DIAPH2: variants seen among roughly 807,000 people sequenced by gnomAD.
DIAPH2 encodes the protein protein diaphanous homolog 2.
A neutral mutation model predicts 92.7 loss-of-function variants in DIAPH2; 35 were observed. The observed-to-expected ratio is 0.38, with a 90% confidence interval of 0.29 to 0.50. DIAPH2 has a LOEUF of 0.50. DIAPH2 is among the 20% of genes least tolerant of loss of function. The pLI is 0.94. For missense variants in DIAPH2, 701 were observed against 819.5 expected, an observed-to-expected ratio of 0.86 and a Z score of 1.77; for synonymous variants, 301 against 280.4, an observed-to-expected ratio of 1.07 and a Z score of -0.73.
chrX:97,454,732 G>T (rs780545956), intron 26 of DIAPH2, among the ~76,000 whole-genome samples: 1 of 110,340 alleles, frequency 9.1e-6, no homozygotes, highest in South Asian at 4.0e-4. Context: ...GTGCACGCCT[G>T]TAGTCCCAGG....
chrX:96,727,790 G>A (rs936679935), intron 1 of DIAPH2, among the ~76,000 whole-genome samples: 11 of 111,460 alleles, frequency 9.9e-5, no homozygotes, highest in Non-Finnish European at 1.1e-4. Context: ...AAGACAACCT[G>A]TAATCCCAGC....
At chrX:97,143,491 T>C (rs1011317286) in intron 22 of DIAPH2, among the ~76,000 whole-genome samples, 20 of 109,910 alleles carry the variant, frequency 1.8e-4, no homozygotes, top group African/African-American at 6.6e-4. Context: ...CATGAAAATA[T>C]ATATATTTAT....
intron 26 of DIAPH2, among the ~76,000 whole-genome samples, chrX:97,583,002 C>T (rs1045259528): frequency 5.4e-5 from 6 of 111,981 alleles, no homozygotes; most frequent in Non-Finnish European, 9.4e-5. Context: ...ACATAGTTCT[C>T]GAGCTTTGGT....
chrX:96,849,323 G>A (rs185801156), intron 4 of DIAPH2, among the ~76,000 whole-genome samples: 245 of 111,041 alleles, frequency 2.2e-3, no homozygotes, highest in Non-Finnish European at 2.8e-3. Context: ...GTGCCACCAC[G>A]CCCGGATAAT....
At chrX:96,710,703 ATATTT>A (rs996382512) in intron 1 of DIAPH2, among the ~76,000 whole-genome samples, 16 of 110,914 alleles carry the variant, frequency 1.4e-4, no homozygotes, top group East Asian at 5.6e-4. Context: ...TTTTTTCTAA[ATATTT>A]TATTTTTATT....
At chrX:97,385,945 C>T (rs2089826266) in intron 25 of DIAPH2, among the ~76,000 whole-genome samples, 1 of 111,954 alleles carries the variant, frequency 8.9e-6, no homozygotes, top group African/African-American at 3.2e-5. Flanking sequence ...AAGATTTGAA[C>T]CCAGGCAGTG....
chrX:97,131,518 CTT>C lies in DIAPH2; in HGVS notation c.2590-10144_2590-10143del, dbSNP rs757740495. ...ACAGAGCGAATGAGTCCTATGGACT[CTT>C]TTGGTGCTAGTGACAATCTGAAGCT... On this transcript the variant is annotated intron_variant, in intron 21 of 26. Transcript: ENST00000324765. Among the ~76,000 whole-genome samples the C allele has an allele frequency of 1.8e-3, 197 of 111,520 alleles. 1 individual carries two copies. The highest frequency in any genetic ancestry group is 6.2e-3 in the African/African-American group (191 of 30,676).
chrX:96,719,022 G>C lies in DIAPH2; in HGVS notation c.133-16736G>C, dbSNP rs150224747. Among the ~76,000 whole-genome samples the C allele has an allele frequency of 2.6e-3, 291 of 111,734 alleles. 2 individuals carry two copies. Among genetic ancestry groups the C allele is most frequent in the African/African-American group, 8.9e-3 (275 of 30,750 alleles). On this transcript the variant is annotated intron_variant, in intron 1 of 26. Coordinates refer to ENST00000324765, the MANE Select transcript of DIAPH2 (RefSeq NM_006729.5). ...CTCTGTAATTTTGATTTGCATTTCC[G>C]TGATCAATGATGTTAAGCACCTTTT...
chrX:97,152,204 C>T (rs754311222), intron 22 of DIAPH2, among the ~76,000 whole-genome samples: 28 of 111,580 alleles, frequency 2.5e-4, no homozygotes, highest in Non-Finnish European at 5.1e-4. Context: ...TGAGCAACAC[C>T]CCACATTTTC....
chrX:97,327,159 C>T (rs1458237684), intron 23 of DIAPH2, among the ~76,000 whole-genome samples: 3 of 111,378 alleles, frequency 2.7e-5, no homozygotes, highest in Non-Finnish European at 3.8e-5. Flanking sequence ...AGTGCAGTGG[C>T]GCCATCTCTG....
intron 26 of DIAPH2, among the ~76,000 whole-genome samples, chrX:97,537,147 G>A (rs984453976): frequency 1.8e-5 from 2 of 111,376 alleles, no homozygotes; most frequent in African/African-American, 3.3e-5. Flanking sequence ...TGCAGGAAAC[G>A]TCAGTAGGTA....
At chrX:97,024,237 G>A (rs1316699179) in intron 17 of DIAPH2, among the ~76,000 whole-genome samples, 8 of 112,226 alleles carry the variant, frequency 7.1e-5, no homozygotes, top group African/African-American at 2.3e-4. Flanking sequence ...TCGATTTTAT[G>A]TGTAGATTTT....
At chrX:96,783,350 T>C (rs1303057992) in intron 4 of DIAPH2, among the ~76,000 whole-genome samples, 1 of 112,359 alleles carries the variant, frequency 8.9e-6, no homozygotes, top group Non-Finnish European at 1.9e-5. Flanking sequence ...CTAGGGCTTC[T>C]TGGACAGAAG....
intron 4 of DIAPH2, among the ~76,000 whole-genome samples, chrX:96,762,515 C>T (rs973452604): frequency 1.8e-5 from 2 of 110,624 alleles, no homozygotes; most frequent in Non-Finnish European, 3.8e-5. Flanking sequence ...GTATCGTACA[C>T]CTTAAATTTA....
intron 23 of DIAPH2, among the ~76,000 whole-genome samples, chrX:97,264,446 C>A (rs937219076): frequency 9.0e-5 from 10 of 111,691 alleles, no homozygotes; most frequent in African/African-American, 2.9e-4. Context: ...CACACACACA[C>A]ACACACATGC....
At chrX:96,963,719 C>G (rs1392898538) in intron 16 of DIAPH2, among the ~76,000 whole-genome samples, 1 of 111,403 alleles carries the variant, frequency 9.0e-6, no homozygotes, top group Non-Finnish European at 1.9e-5. Context: ...CTGTAACTTC[C>G]CTGCCAAATT....
At chrX:97,121,983 G>C (rs1047402046) in intron 21 of DIAPH2, among the ~76,000 whole-genome samples, 3 of 111,798 alleles carry the variant, frequency 2.7e-5, no homozygotes, top group South Asian at 3.7e-4. Context: ...TATATAATTT[G>C]TCCAAGATTC....
At chrX:97,380,202 T>C (rs766898332) in intron 24 of DIAPH2, among the ~76,000 whole-genome samples, 2 of 111,470 alleles carry the variant, frequency 1.8e-5, no homozygotes, top group African/African-American at 6.5e-5. Flanking sequence ...TTAACAGATA[T>C]GCCAGTAAAA....
intron 26 of DIAPH2, chrX:97,528,797 C>A (rs1011216614): frequency 9.0e-6 from 1 of 111,540 alleles, no homozygotes. Context: ...AAGTGTGCTA[C>A]CTTCTAAGTG....
Sources: gnomAD v4.1 joint callset for allele counts (sites outside exome capture counted in the v4.1 genomes callset) on GRCh38, gnomAD v4.1.1 for gene constraint, MANE v1.5 for transcripts, NCBI Gene and HGNC (gene_info 2026-07-23, HGNC 2026-07-21) for gene names.